FABP6: variants seen among roughly 807,000 people sequenced by gnomAD.
FABP6 encodes fatty acid binding protein 6, also known as gastrotropin.
In FABP6, 13 loss-of-function variants were observed where a neutral mutation model predicts 14.9. The observed-to-expected ratio is 0.87, with a 90% CI of 0.57 to 1.39. The LOEUF (loss-of-function observed/expected upper bound fraction) is 1.39, where lower values mean the gene tolerates loss of function less well. Ranked by LOEUF, FABP6 falls within the 40% of genes most tolerant of loss-of-function variation. The probability of loss-of-function intolerance (pLI) is 0.00; values close to 1 mark genes in which losing one functional copy is unlikely to be tolerated. For missense variants in FABP6, 161 were observed against 167.2 expected, an observed-to-expected ratio of 0.96 and a Z score of 0.20; for synonymous variants, 75 against 63.6, an observed-to-expected ratio of 1.18 and a Z score of -0.85.
upstream of FABP6, chr5:160,228,328 T>A (rs1580921014): frequency 2.4e-6 from 1 of 424,858 alleles, no homozygotes; most frequent in South Asian, 1.7e-5. Context: ...GAGGCGGAGG[T>A]TGCAGTGAGC....
At chr5:160,214,928 C>A (rs1759981263) in intron 3 of FABP6, among the ~76,000 whole-genome samples, 1 of 152,098 alleles carries the variant, frequency 6.6e-6, no homozygotes, top group Non-Finnish European at 1.5e-5. Context: ...AGGTGGCTGC[C>A]CTGCAGAACT....
chr5:160,195,756 A>G (rs1759497302), intron 1 of FABP6: 5 of 151,948 alleles, frequency 3.3e-5, no homozygotes, highest in Admixed American at 3.3e-4. Flanking sequence ...TTCCTTTATT[A>G]TTATTTTTCT....
At chr5:160,215,980 T>G (rs1306433621) in intron 3 of FABP6, among the ~76,000 whole-genome samples, 1 of 152,128 alleles carries the variant, frequency 6.6e-6, no homozygotes, top group Non-Finnish European at 1.5e-5. Context: ...GAAGGACAAA[T>G]GCTTTCTTGT....
upstream of FABP6, chr5:160,228,766 CCTTCAAGTTTGCTT>C (rs1297881741): frequency 3.2e-6 from 1 of 309,606 alleles, no homozygotes; most frequent in Non-Finnish European, 6.5e-6. Flanking sequence ...CATCTGTTCT[CCTTCAAGTTTGCTT>C]TGCTCCAGCT....
chr5:160,219,706 G>A (rs1013733562), intron 3 of FABP6, among the ~76,000 whole-genome samples: 5 of 151,972 alleles, frequency 3.3e-5, no homozygotes, highest in South Asian at 2.1e-4. Context: ...AGCTCTGACC[G>A]TGCAGAAGGA....
chr5:160,201,764 CTTAT>C (rs1759646295), intron 2 of FABP6, among the ~76,000 whole-genome samples: 1 of 151,092 alleles, frequency 6.6e-6, no homozygotes, highest in Non-Finnish European at 1.5e-5. Context: ...CATTCATTCA[CTTAT>C]TTATTTATTT....
At chr5:160,216,733 A>T (rs1022838293) in intron 3 of FABP6, among the ~76,000 whole-genome samples, 5 of 152,150 alleles carry the variant, frequency 3.3e-5, no homozygotes, top group Non-Finnish European at 7.4e-5. Context: ...AACCTTTCTG[A>T]ACTTAGACTT....
intron 3 of FABP6, among the ~76,000 whole-genome samples, chr5:160,215,288 C>T (rs1004747763): frequency 3.3e-5 from 5 of 151,946 alleles, no homozygotes; most frequent in South Asian, 2.1e-4. Flanking sequence ...ACAAGGTGGG[C>T]GGATCACCTG....
At chr5:160,188,642 A>C (rs1442057341) in intron 1 of FABP6, among the ~76,000 whole-genome samples, 3 of 152,106 alleles carry the variant, frequency 2.0e-5, no homozygotes, top group Non-Finnish European at 4.4e-5. Flanking sequence ...GCGACCCCCG[A>C]CTTTGGCCGG....
intron 3 of FABP6, among the ~76,000 whole-genome samples, chr5:160,235,670 G>C (rs115359071): frequency 6.6e-6 from 1 of 150,812 alleles, no homozygotes; most frequent in African/African-American, 2.4e-5. Flanking sequence ...TCCCGTGTAG[G>C]TCTAGAAAGG....
chr5:160,222,849 T>C (rs1311420511), intron 3 of FABP6, among the ~76,000 whole-genome samples: 2 of 152,168 alleles, frequency 1.3e-5, no homozygotes, highest in Non-Finnish European at 2.9e-5. Context: ...ATTGTATGAG[T>C]TGTAAGAATG....
intron 1 of FABP6, chr5:160,196,446 A>G (rs1247716697): frequency 6.6e-6 from 1 of 152,152 alleles, no homozygotes; most frequent in Non-Finnish European, 1.5e-5. Flanking sequence ...TTCCTGGGGG[A>G]CTAGTGTATA....
chr5:160,206,951 C>T (rs750411698), intron 2 of FABP6, among the ~76,000 whole-genome samples: 86 of 152,356 alleles, frequency 5.6e-4, no homozygotes, highest in Non-Finnish European at 8.5e-4. Flanking sequence ...ACCCCAGGAC[C>T]TTCGTCCATA....
intron 2 of FABP6, among the ~76,000 whole-genome samples, chr5:160,201,751 A>G (rs1459274683): frequency 1.5e-5 from 2 of 137,342 alleles, no homozygotes; most frequent in African/African-American, 6.0e-5. Flanking sequence ...CTTTGAACTC[A>G]TTCATTCATT....
chr5:160,203,415 T>C (rs1759689120), intron 2 of FABP6, among the ~76,000 whole-genome samples: 1 of 152,228 alleles, frequency 6.6e-6, no homozygotes, highest in Non-Finnish European at 1.5e-5. Context: ...AGTTTGATTA[T>C]ATGGCCCCTC....
chr5:160,229,819 CTTTTT>C (rs1400963440), intron 1 of FABP6, among the ~76,000 whole-genome samples, 195 bp downstream of exon 1: 85 of 148,550 alleles, frequency 5.7e-4, no homozygotes, highest in Non-Finnish European at 9.2e-4. Flanking sequence ...CACTCTTTAA[CTTTTT>C]TATTTTATTT....
chr5:160,188,166 C>G (rs1421461923), intron 1 of FABP6, among the ~76,000 whole-genome samples: 1 of 152,106 alleles, frequency 6.6e-6, no homozygotes, highest in Non-Finnish European at 1.5e-5. Flanking sequence ...GGCTAGGATT[C>G]CAGAGGGGCG....
chr5:160,193,891 G>A (rs1162281536), intron 1 of FABP6, among the ~76,000 whole-genome samples: 2 of 152,270 alleles, frequency 1.3e-5, no homozygotes, highest in East Asian at 3.9e-4. Flanking sequence ...CGCGCCATGC[G>A]CTCGCACTCC....
intron 2 of FABP6, among the ~76,000 whole-genome samples, chr5:160,212,691 G>A (rs11954241): frequency 6.6e-6 from 1 of 151,574 alleles, no homozygotes; most frequent in Non-Finnish European, 1.5e-5. Context: ...GGCTGGTCTC[G>A]ATCTCCTGAC....
Sources: allele counts gnomAD v4.1 joint callset (sites outside exome capture counted in the v4.1 genomes callset), GRCh38; gene constraint gnomAD v4.1.1; transcripts MANE v1.5; gene names NCBI Gene and HGNC (gene_info 2026-07-23, HGNC 2026-07-21).